SLC35F1: variants seen among roughly 807,000 people sequenced by gnomAD.
The protein encoded by SLC35F1 is chromosome 6 open reading frame 169.
Under a neutral mutation model 48.7 loss-of-function variants are expected in SLC35F1, and 14 were observed. The observed-to-expected ratio is 0.29, with a 90% CI of 0.19 to 0.45. SLC35F1 has a LOEUF of 0.45. Among genes scored for constraint, SLC35F1 ranks in the 20% least tolerant of loss-of-function variants. SLC35F1 has a pLI of 1.00. For synonymous variants in SLC35F1, 190 were observed against 202.2 expected (o/e 0.94, Z 0.51); for missense variants, 404 against 500.0 (o/e 0.81, Z 1.83).
chr6:118,159,375 A>C (rs1774193891), intron 2 of SLC35F1, among the ~76,000 whole-genome samples: 1 of 152,194 alleles, frequency 6.6e-6, no homozygotes, highest in African/African-American at 2.4e-5. Context: ...TAACTGTTAC[A>C]TCAATAGCTT....
chr6:117,995,852 GATTAT>G (rs1776980172), intron 1 of SLC35F1, among the ~76,000 whole-genome samples: 1 of 152,204 alleles, frequency 6.6e-6, no homozygotes, highest in Admixed American at 6.5e-5. Context: ...AGATTGGATG[GATTAT>G]ATGGTATCGT....
intron 3 of SLC35F1, among the ~76,000 whole-genome samples, chr6:118,244,077 G>T (rs908703968): frequency 1.3e-5 from 2 of 152,218 alleles, no homozygotes; most frequent in African/African-American, 4.8e-5. Flanking sequence ...ACAGTTTTCT[G>T]TCAGGCTTTT....
At chr6:117,977,185 T>G (rs958128550) in intron 1 of SLC35F1, among the ~76,000 whole-genome samples, 1 of 150,472 alleles carries the variant, frequency 6.6e-6, no homozygotes, top group East Asian at 2.0e-4. Flanking sequence ...ATTTTTCTTT[T>G]TCTTTTTCTT....
At chr6:118,141,589 G>A (rs2114443926) in intron 1 of SLC35F1, among the ~76,000 whole-genome samples, 1 of 152,238 alleles carries the variant, frequency 6.6e-6, no homozygotes, top group Admixed American at 6.5e-5. Context: ...GTTGCAGACT[G>A]CCACTGTATC....
At chr6:118,074,944 G>T (rs1009661320) in intron 1 of SLC35F1, among the ~76,000 whole-genome samples, 1 of 152,182 alleles carries the variant, frequency 6.6e-6, no homozygotes, top group Non-Finnish European at 1.5e-5. Context: ...GCTCCCAGTC[G>T]AGACACATAG....
At chr6:118,160,052 G>C (rs763098) in intron 2 of SLC35F1, among the ~76,000 whole-genome samples, 1 of 152,098 alleles carries the variant, frequency 6.6e-6, no homozygotes, top group South Asian at 2.1e-4. Context: ...AGGATGCTGA[G>C]GGTAAAAAGA....
At chr6:118,196,540 A>C (rs954693880) in intron 2 of SLC35F1, among the ~76,000 whole-genome samples, 2 of 151,856 alleles carry the variant, frequency 1.3e-5, no homozygotes, top group African/African-American at 4.8e-5. Flanking sequence ...ACGTGGTGAA[A>C]TCTCATCTCT....
At chr6:117,945,703 A>G (rs1368495736) in intron 1 of SLC35F1, among the ~76,000 whole-genome samples, 2 of 152,098 alleles carry the variant, frequency 1.3e-5, no homozygotes, top group Non-Finnish European at 2.9e-5. Context: ...TCTTTTCCCC[A>G]CTGATGCCAT....
chr6:117,922,237 G>A (rs1343189378), intron 1 of SLC35F1, among the ~76,000 whole-genome samples: 1 of 152,120 alleles, frequency 6.6e-6, no homozygotes, highest in African/African-American at 2.4e-5. Flanking sequence ...AGAGTTGTAT[G>A]GTAGTTAGGT....
chr6:118,224,427 C>G (rs1582738596), intron 2 of SLC35F1, among the ~76,000 whole-genome samples: 1 of 152,146 alleles, frequency 6.6e-6, no homozygotes, highest in East Asian at 1.9e-4. Context: ...CAGGGTCTAG[C>G]TCTGCTGTCC....
intron 3 of SLC35F1, among the ~76,000 whole-genome samples, chr6:118,261,462 C>G (rs1775711210): frequency 6.6e-6 from 1 of 152,154 alleles, no homozygotes; most frequent in African/African-American, 2.4e-5. Flanking sequence ...TAATAGTCAA[C>G]ACATTTTCTT....
At chr6:118,146,822 A>G (rs984455710) in intron 1 of SLC35F1, among the ~76,000 whole-genome samples, 22 of 152,178 alleles carry the variant, frequency 1.4e-4, no homozygotes, top group African/African-American at 4.8e-4. Context: ...TAAATGAATA[A>G]ACATTGCGGG....
At chr6:117,946,401 A>G (rs1265293432) in intron 1 of SLC35F1, among the ~76,000 whole-genome samples, 1 of 152,196 alleles carries the variant, frequency 6.6e-6, no homozygotes, top group South Asian at 2.1e-4. Context: ...CTTAGTTCAA[A>G]TAAGAGTCAG....
intron 1 of SLC35F1, among the ~76,000 whole-genome samples, chr6:117,908,455 G>A (rs1402402731): frequency 1.3e-5 from 2 of 152,214 alleles, no homozygotes; most frequent in South Asian, 2.1e-4. Context: ...GTCGCCTCTC[G>A]GACTCTTCCT....
At chr6:118,124,980 G>A (rs1229694908) in intron 1 of SLC35F1, among the ~76,000 whole-genome samples, 1 of 152,114 alleles carries the variant, frequency 6.6e-6, no homozygotes, top group Non-Finnish European at 1.5e-5. Context: ...TCACCCAGGA[G>A]CCATGGACAA....
intron 1 of SLC35F1, chr6:117,999,323 AGGC>A: frequency 6.3e-7 from 1 of 1,595,704 alleles, no homozygotes; most frequent in Non-Finnish European, 8.5e-7. Context: ...CAAGGGGCTC[AGGC>A]TGTGCCGGCC....
rs1450005131 is a variant in SLC35F1, at chr6:118,234,565, A to G, written c.350-944A>G. 2.6e-5 allele frequency among the ~76,000 whole-genome samples: 4 copies of G among 152,296 alleles called. No individual in the cohort carries two copies. In the East Asian group the frequency reaches 7.7e-4, roughly 29 times the overall value. ...GGCTGCAACTTACTAGGAGAACTTG[A>G]GCTGGAGACACTCAGTTAAGCTCTA... On this transcript the variant is annotated intron_variant, in intron 2 of 7. Transcript: ENST00000360388.
chr6:118,219,420 G>A (rs1775117082), intron 2 of SLC35F1, among the ~76,000 whole-genome samples: 1 of 152,070 alleles, frequency 6.6e-6, no homozygotes, highest in South Asian at 2.1e-4. Flanking sequence ...TCAGAAAGGG[G>A]CCATAAGAGA....
intron 2 of SLC35F1, among the ~76,000 whole-genome samples, chr6:118,187,844 G>T (rs1774680445): frequency 6.6e-6 from 1 of 152,224 alleles, no homozygotes; most frequent in African/African-American, 2.4e-5. Context: ...GTCAACTTAG[G>T]CTGGTGTCTC....
Sources: allele counts gnomAD v4.1 joint callset (sites outside exome capture counted in the v4.1 genomes callset), GRCh38; gene constraint gnomAD v4.1.1; transcripts MANE v1.5; gene names NCBI Gene and HGNC (gene_info 2026-07-23, HGNC 2026-07-21).